SLC31A1: variants seen among roughly 807,000 people sequenced by gnomAD.
The protein encoded by SLC31A1 is solute carrier family 31 member 1.
SLC31A1 carries 5 observed loss-of-function variants against 17.2 expected under a neutral mutation model. The observed-to-expected ratio is 0.29, with a 90% CI of 0.15 to 0.61. SLC31A1 has a LOEUF of 0.61. SLC31A1 is among the 20% of genes least tolerant of loss of function. SLC31A1 has a pLI of 0.86. For missense variants in SLC31A1, 161 were observed against 241.4 expected, an observed-to-expected ratio of 0.67 and a Z score of 2.21; for synonymous variants, 76 against 78.8, an observed-to-expected ratio of 0.96 and a Z score of 0.19.
intron 4 of SLC31A1, among the ~76,000 whole-genome samples, chr9:113,259,427 T>G (rs1047329663): frequency 2.6e-5 from 4 of 152,122 alleles, no homozygotes; most frequent in African/African-American, 9.7e-5. Flanking sequence ...ACAAGCAGTG[T>G]TATTTATTGT....
At chr9:113,248,404 A>G (rs778597710) in intron 1 of SLC31A1, among the ~76,000 whole-genome samples, 6 of 151,584 alleles carry the variant, frequency 4.0e-5, no homozygotes, top group Non-Finnish European at 8.8e-5. Flanking sequence ...ATGAGTGTTC[A>G]TAGCCACTTC....
rs1375207498 is a variant in SLC31A1, at chr9:113,261,693, GTTAAAACACTAATTGC to G, written c.*1222_*1237del. Reference sequence around the variant, plus strand: ...TGCATCAGAATCACCTGTAGGGCTTGTTAAAACACTAATTGCTGGGCCTCAACCCAAAAGCCCCCAA... The same window carrying G: ...TGCATCAGAATCACCTGTAGGGCTTGTGGGCCTCAACCCAAAAGCCCCCAA... On this transcript the variant is annotated 3_prime_UTR_variant, in exon 5 of 5. Transcript: ENST00000374212. 6.6e-6 allele frequency: 1 copy of G among 152,502 alleles called. No individual in the cohort carries two copies. The highest frequency in any genetic ancestry group is 2.4e-5 in the African/African-American group (1 of 41,452). 9.4% of individuals were successfully genotyped at this position (152,502 alleles called of 1,614,324 possible).
intron 4 of SLC31A1, 28 bp from the exon 5 acceptor site, chr9:113,260,244 G>A: frequency 6.2e-7 from 1 of 1,605,832 alleles, no homozygotes; most frequent in Non-Finnish European, 8.5e-7. Context: ...AGGAGTCCCT[G>A]ATTGTTGTGT....
chr9:113,253,679 G>A (rs745593331), intron 1 of SLC31A1, among the ~76,000 whole-genome samples: 2 of 149,906 alleles, frequency 1.3e-5, no homozygotes, highest in African/African-American at 2.5e-5. Context: ...TCAGCCTCCC[G>A]AGTAGCTGGG....
intron 1 of SLC31A1, among the ~76,000 whole-genome samples, chr9:113,235,019 T>C (rs1831440377): frequency 6.6e-6 from 1 of 152,172 alleles, no homozygotes; most frequent in African/African-American, 2.4e-5. Context: ...CTTCTGTTCG[T>C]TCATCTAAAG....
chr9:113,260,221 C>A (rs1831775941), intron 4 of SLC31A1, 51 bp from the exon 5 acceptor site: 4 of 1,517,132 alleles, frequency 2.6e-6, no homozygotes, highest in Non-Finnish European at 3.7e-6. Flanking sequence ...TTCTCCTGAT[C>A]TGCAGAACTC....
At chr9:113,240,879 A>C (rs564117780) in intron 1 of SLC31A1, among the ~76,000 whole-genome samples, 39 of 152,014 alleles carry the variant, frequency 2.6e-4, no homozygotes, top group African/African-American at 8.9e-4. Flanking sequence ...GTGAAACCCC[A>C]TCTCTACTAA....
intron 1 of SLC31A1, among the ~76,000 whole-genome samples, chr9:113,231,798 AT>A (rs528516357): frequency 2.0e-5 from 3 of 151,714 alleles, no homozygotes; most frequent in African/African-American, 7.3e-5. Flanking sequence ...ATTAGTGTTG[AT>A]TTTTTTTTAT....
intron 1 of SLC31A1, 83 bp from the exon 2 acceptor site, chr9:113,256,031 C>T: frequency 9.4e-7 from 1 of 1,061,752 alleles, no homozygotes; most frequent in Non-Finnish European, 1.3e-6. Context: ...GGCAACATAG[C>T]AAGATTCCAT....
chr9:113,239,178 C>CT (rs75699769), intron 1 of SLC31A1, among the ~76,000 whole-genome samples: 71 of 145,824 alleles, frequency 4.9e-4, no homozygotes, highest in Middle Eastern at 3.5e-3. Flanking sequence ...TGACTCCAGA[C>CT]TTTTTTTTTT....
At chr9:113,230,834 T>C (rs1382490321) in intron 1 of SLC31A1, among the ~76,000 whole-genome samples, 1 of 152,148 alleles carries the variant, frequency 6.6e-6, no homozygotes, top group East Asian at 1.9e-4. Flanking sequence ...CCTCATGCTT[T>C]CTTGACTATA....
intron 1 of SLC31A1, among the ~76,000 whole-genome samples, chr9:113,255,365 C>T (rs1831708564): frequency 6.6e-6 from 1 of 152,214 alleles, no homozygotes; most frequent in African/African-American, 2.4e-5. Context: ...AAAGAAGCTG[C>T]TTTCCTTCTC....
rs1391828908 is a variant in SLC31A1, at chr9:113,258,873, A to T, written c.371+11A>T. 6.2e-7 allele frequency: 1 copy of T among 1,614,036 alleles called. No homozygotes were observed. The highest frequency in any genetic ancestry group is 2.2e-5 in the East Asian group (1 of 44,888). ...ACACAAAACTGTTGGGTAAGAACTG[A>T]ACAGATCCAGATGAAGTCCTAAAGA... On this transcript the variant is annotated intron_variant, in intron 4 of 4. Coordinates refer to ENST00000374212, the MANE Select transcript of SLC31A1 (RefSeq NM_001859.4). This position sits in a 1 kb window ranked among gnomAD's most constrained non-coding sequence, Gnocchi z 4.8.
At chr9:113,222,053 C>G (rs1245114051) in intron 1 of SLC31A1, among the ~76,000 whole-genome samples, 1 of 152,158 alleles carries the variant, frequency 6.6e-6, no homozygotes, top group African/African-American at 2.4e-5. Context: ...AGTCCGAGGT[C>G]ACAAAGAGTA....
intron 1 of SLC31A1, among the ~76,000 whole-genome samples, chr9:113,247,543 C>G (rs1222476562): frequency 2.0e-5 from 3 of 152,182 alleles, no homozygotes; most frequent in African/African-American, 4.8e-5. Context: ...TGCTAATTCC[C>G]TAACTTCTGA....
At chr9:113,250,675 T>TAA (rs779452254) in intron 1 of SLC31A1, among the ~76,000 whole-genome samples, 3 of 119,988 alleles carry the variant, frequency 2.5e-5, no homozygotes, top group Non-Finnish European at 3.6e-5. Flanking sequence ...ACTTAAAGTA[T>TAA]AAAAAAAAAA....
chr9:113,242,265 TAAG>T (rs1831530145), intron 1 of SLC31A1, among the ~76,000 whole-genome samples: 1 of 152,136 alleles, frequency 6.6e-6, no homozygotes, highest in African/African-American at 2.4e-5. Flanking sequence ...ATTTCAGACT[TAAG>T]AAACAATGTA....
intron 1 of SLC31A1, among the ~76,000 whole-genome samples, chr9:113,233,247 C>A (rs534998375): frequency 2.6e-5 from 4 of 152,162 alleles, no homozygotes; most frequent in Non-Finnish European, 5.9e-5. Context: ...ACAGTTTTAC[C>A]GGTTAGAGAA....
At chr9:113,243,318 C>T (rs796985660) in intron 1 of SLC31A1, among the ~76,000 whole-genome samples, 57 of 152,258 alleles carry the variant, frequency 3.7e-4, no homozygotes, top group African/African-American at 1.3e-3. Context: ...AGGGATTGGA[C>T]AATGGGCATT....
Sources: gnomAD v4.1 joint callset for allele counts (sites outside exome capture counted in the v4.1 genomes callset) on GRCh38, gnomAD v4.1.1 for gene constraint, Gnocchi (gnomAD v3.1) non-coding constraint, MANE v1.5 for transcripts, NCBI Gene and HGNC (gene_info 2026-07-23, HGNC 2026-07-21) for gene names.